Variants in PARN observed in about 807,000 individuals in gnomAD.
PARN encodes poly(A)-specific ribonuclease PARN.
PARN carries 71 observed loss-of-function variants against 102.8 expected under a neutral mutation model. That is an observed-to-expected ratio of 0.69 (90% CI 0.57 to 0.84). The LOEUF (loss-of-function observed/expected upper bound fraction) is 0.84. Ranked by LOEUF, PARN falls within the 40% of genes least tolerant of loss-of-function variation. PARN has a pLI of 0.00. For synonymous variants in PARN, 261 were observed against 252.9 expected (o/e 1.03, Z -0.30); for missense variants, 782 against 760.9 (o/e 1.03, Z -0.33).
intron 3 of PARN, 46 bp from the exon 4 acceptor site, chr16:14,627,382 C>A (rs1337444873): frequency 7.3e-6 from 10 of 1,364,454 alleles, no homozygotes; most frequent in South Asian, 1.2e-5. Context: ...GCTGCATATT[C>A]CATGTGAGCA....
intron 17 of PARN, 98 bp from the exon 18 acceptor site, chr16:14,581,041 A>G: frequency 1.4e-6 from 1 of 697,902 alleles, no homozygotes; most frequent in South Asian, 1.9e-5. Context: ...GCATGGTTCA[A>G]CAAGTGTGAA....
chr16:14,613,233 T>C (rs1971631296), intron 6 of PARN, among the ~76,000 whole-genome samples: 2 of 145,830 alleles, frequency 1.4e-5, no homozygotes, highest in African/African-American at 2.6e-5. Context: ...CGCTTGAACC[T>C]GGGAGGCAGA....
chr16:14,557,345 T>A (rs1157996791), intron 18 of PARN, among the ~76,000 whole-genome samples: 1 of 150,622 alleles, frequency 6.6e-6, no homozygotes, highest in South Asian at 2.1e-4. Context: ...TCACCTGAGG[T>A]CAGAAGTTCA....
At chr16:14,512,671 T>C (rs963885515) in intron 21 of PARN, among the ~76,000 whole-genome samples, 1 of 152,136 alleles carries the variant, frequency 6.6e-6, no homozygotes, top group Non-Finnish European at 1.5e-5. Flanking sequence ...AAACCTTTGA[T>C]AAGAAATCAA....
At position 14,584,831 on chromosome 16, in the gene PARN, A is replaced by G. The variant is rs1969747616; in HGVS notation, c.963-40T>C. ...TAACAAGGTAAACAAAATGTATATC[A>G]ATGTTTAAAATGTCTTTTACTCAAA... On this transcript the variant is annotated intron_variant, in intron 14 of 23. Transcript: ENST00000437198. The G allele has an allele frequency of 2.8e-6, 3 of 1,085,914 alleles. No homozygotes were observed. The African/African-American group carries it at 4.9e-5, about 18-fold the overall frequency. The allele number at this position is 1,085,914 out of a possible 1,614,324, so 67.3% of individuals were successfully genotyped here.
At chr16:14,520,970 A>G (rs1965703564) in intron 21 of PARN, among the ~76,000 whole-genome samples, 1 of 152,202 alleles carries the variant, frequency 6.6e-6, no homozygotes, top group African/African-American at 2.4e-5. Context: ...GTTCTCCCTC[A>G]GAGCATGGAG....
chr16:14,456,179 T>A (rs1961671219), intron 22 of PARN, among the ~76,000 whole-genome samples: 1 of 152,000 alleles, frequency 6.6e-6, no homozygotes, highest in Non-Finnish European at 1.5e-5. Flanking sequence ...TCTTTTTTTT[T>A]TTTTTAAACT....
At chr16:14,619,991 AC>A in intron 5 of PARN, among the ~76,000 whole-genome samples, 1 of 145,734 alleles carries the variant, frequency 6.9e-6, no homozygotes, top group East Asian at 2.0e-4. Context: ...AATGGTGTGA[AC>A]CCAGGAGGCA....
intron 22 of PARN, among the ~76,000 whole-genome samples, chr16:14,463,018 G>A (rs1354076438): frequency 6.6e-6 from 1 of 152,178 alleles, no homozygotes; most frequent in Non-Finnish European, 1.5e-5. Flanking sequence ...GGACTGATCA[G>A]CACATAATGG....
chr16:14,507,435 A>G (rs1596537108), intron 21 of PARN, among the ~76,000 whole-genome samples: 1 of 151,612 alleles, frequency 6.6e-6, no homozygotes, highest in Non-Finnish European at 1.5e-5. Context: ...GGTGGCTCAC[A>G]CCTGTAATCC....
intron 18 of PARN, among the ~76,000 whole-genome samples, chr16:14,560,519 G>C (rs1967988610): frequency 6.6e-6 from 1 of 152,224 alleles, no homozygotes; most frequent in East Asian, 1.9e-4. Flanking sequence ...TTTTACAAAA[G>C]AATTCTATCC....
At chr16:14,572,339 C>A (rs1273394944) in intron 18 of PARN, among the ~76,000 whole-genome samples, 3 of 151,800 alleles carry the variant, frequency 2.0e-5, no homozygotes, top group Non-Finnish European at 2.9e-5. Flanking sequence ...GGGAAGAAAT[C>A]TTTTCTTTTT....
At chr16:14,439,735 G>C (rs145838051) in intron 23 of PARN, among the ~76,000 whole-genome samples, 1 of 152,152 alleles carries the variant, frequency 6.6e-6, no homozygotes, top group African/African-American at 2.4e-5. Context: ...ATGAAAAGAG[G>C]CTGGCTGTGG....
intron 6 of PARN, among the ~76,000 whole-genome samples, chr16:14,617,277 G>A (rs965139945): frequency 1.3e-4 from 20 of 151,082 alleles, no homozygotes; most frequent in African/African-American, 4.1e-4. Context: ...CCAGCTACTC[G>A]GGAGGCTGAG....
At chr16:14,511,126 ATACAT>A (rs1965165832) in intron 21 of PARN, among the ~76,000 whole-genome samples, 1 of 152,246 alleles carries the variant, frequency 6.6e-6, no homozygotes, top group South Asian at 2.1e-4. Flanking sequence ...CCTTTAAATT[ATACAT>A]TAGTCTTCCC....
intron 11 of PARN, 99 bp downstream of exon 11, chr16:14,604,047 C>T (rs1971033986): frequency 2.5e-6 from 2 of 786,030 alleles, no homozygotes; most frequent in Non-Finnish European, 4.3e-6. Flanking sequence ...GAAAACTATT[C>T]ATTAAATTGA....
chr16:14,553,037 A>C (rs1015545721), intron 20 of PARN, among the ~76,000 whole-genome samples: 1 of 152,074 alleles, frequency 6.6e-6, no homozygotes, highest in Non-Finnish European at 1.5e-5. Context: ...AAATATTTAC[A>C]TGCAGAAATG....
chr16:14,492,534 C>G (rs976542749), intron 21 of PARN, among the ~76,000 whole-genome samples: 1 of 152,132 alleles, frequency 6.6e-6, no homozygotes, highest in African/African-American at 2.4e-5. Flanking sequence ...TAGGATGTAG[C>G]AGAACAGGGC....
At chr16:14,603,804 G>A (rs1971017592) in intron 11 of PARN, among the ~76,000 whole-genome samples, 1 of 152,170 alleles carries the variant, frequency 6.6e-6, no homozygotes, top group African/African-American at 2.4e-5. Flanking sequence ...TCTGAACTTG[G>A]TTTAAGGAAA....
Sources: allele counts gnomAD v4.1 joint callset (sites outside exome capture counted in the v4.1 genomes callset), GRCh38; gene constraint gnomAD v4.1.1; transcripts MANE v1.5; gene names NCBI Gene and HGNC (gene_info 2026-07-23, HGNC 2026-07-21).